RBBP8: variants seen among roughly 807,000 people sequenced by gnomAD.
RBBP8 encodes RB binding protein 8, endonuclease.
A neutral mutation model predicts 108.3 loss-of-function variants in RBBP8; 88 were observed. That is an observed-to-expected ratio of 0.81 (90% CI 0.68 to 0.97). The LOEUF is 0.97. Ranked by LOEUF, RBBP8 falls within the 50% of genes least tolerant of loss-of-function variation. The pLI is 0.00. For synonymous variants in RBBP8, 332 were observed against 348.2 expected (o/e 0.95, Z 0.52); for missense variants, 1,023 against 1,049.0 (o/e 0.98, Z 0.34).
chr18:22,963,560 G>A (rs1245102344), intron 4 of RBBP8, among the ~76,000 whole-genome samples: 1 of 152,136 alleles, frequency 6.6e-6, no homozygotes, highest in Non-Finnish European at 1.5e-5. Flanking sequence ...ATCTGTCTCA[G>A]AGGCTCTGAT....
chr18:22,959,491 A>G (rs755405284), intron 4 of RBBP8, among the ~76,000 whole-genome samples: 3 of 152,038 alleles, frequency 2.0e-5, no homozygotes, highest in Admixed American at 1.3e-4. Flanking sequence ...AAAGTCTGGT[A>G]ATTTTTTTCT....
At chr18:23,018,739 G>C (rs1035103435) in intron 17 of RBBP8, among the ~76,000 whole-genome samples, 2 of 152,160 alleles carry the variant, frequency 1.3e-5, no homozygotes, top group Admixed American at 6.5e-5. Flanking sequence ...TCCACGGCTG[G>C]TTGAATCCAT....
At chr18:22,964,634 T>A (rs976156497) in intron 4 of RBBP8, among the ~76,000 whole-genome samples, 8 of 148,794 alleles carry the variant, frequency 5.4e-5, no homozygotes, top group South Asian at 4.1e-4. Flanking sequence ...TTTTAATTTT[T>A]ATTTTATTTT....
At chr18:22,935,709 G>C (rs1910515571) in intron 1 of RBBP8, among the ~76,000 whole-genome samples, 1 of 152,168 alleles carries the variant, frequency 6.6e-6, no homozygotes, top group Admixed American at 6.5e-5. Flanking sequence ...TACTTTTTAA[G>C]TTGTAGCTAA....
chr18:22,926,042 T>C (rs1279762824), intron 3 of RBBP8, among the ~76,000 whole-genome samples: 1 of 152,222 alleles, frequency 6.6e-6, no homozygotes, highest in African/African-American at 2.4e-5. Flanking sequence ...TTCATAAGCT[T>C]ATATGAATAG....
intron 9 of RBBP8, among the ~76,000 whole-genome samples, chr18:22,989,817 C>A (rs532426741): frequency 6.6e-6 from 1 of 152,084 alleles, no homozygotes; most frequent in Non-Finnish European, 1.5e-5. Flanking sequence ...GGACTACAGA[C>A]ATATACCATT....
At chr18:22,955,203 G>A (rs1290476393) in intron 4 of RBBP8, among the ~76,000 whole-genome samples, 1 of 152,180 alleles carries the variant, frequency 6.6e-6, no homozygotes, top group East Asian at 1.9e-4. Flanking sequence ...AGGTACATGG[G>A]CCTGTAATTC....
intron 3 of RBBP8, 95 bp downstream of exon 3, chr18:22,946,581 A>C: frequency 6.5e-7 from 1 of 1,540,282 alleles, no homozygotes; most frequent in Non-Finnish European, 8.8e-7. Flanking sequence ...ACTGATGTCC[A>C]ATTTGACCTT....
chr18:22,916,570 T>G (rs911501299), intron 2 of RBBP8, among the ~76,000 whole-genome samples: 2 of 152,144 alleles, frequency 1.3e-5, no homozygotes, highest in Non-Finnish European at 2.9e-5. Flanking sequence ...AGTGTGTTAA[T>G]GAATCTTTGG....
intron 3 of RBBP8, 43 bp downstream of exon 3, chr18:22,946,529 G>A (rs1364273653): frequency 1.9e-5 from 31 of 1,607,516 alleles, no homozygotes; most frequent in Non-Finnish European, 2.5e-5. Context: ...TTATAGAGTA[G>A]TTGATACTGA....
chr18:22,943,888 A>G (rs116346256), intron 2 of RBBP8, among the ~76,000 whole-genome samples: 1,875 of 152,304 alleles, frequency 0.012, 47 homozygotes, highest in African/African-American at 0.043. Context: ...TGCTTTGTGT[A>G]TTACAATATA....
At chr18:22,945,777 G>C (rs760070104) in intron 2 of RBBP8, among the ~76,000 whole-genome samples, 1 of 152,086 alleles carries the variant, frequency 6.6e-6, no homozygotes, top group Non-Finnish European at 1.5e-5. Context: ...TGCTGATGAT[G>C]TATGTATTTT....
At chr18:22,947,911 T>G (rs1449077084) in intron 3 of RBBP8, among the ~76,000 whole-genome samples, 1 of 152,120 alleles carries the variant, frequency 6.6e-6, no homozygotes. Context: ...AGTTTAGCTT[T>G]AAGACAAATA....
intron 18 of RBBP8, among the ~76,000 whole-genome samples, chr18:23,023,077 C>T (rs1425545105): frequency 6.6e-6 from 1 of 151,236 alleles, no homozygotes; most frequent in Non-Finnish European, 1.5e-5. Flanking sequence ...TTTTTTTTCC[C>T]CCTAGAGACA....
chr18:22,944,482 C>T (rs1013066810), intron 2 of RBBP8, among the ~76,000 whole-genome samples: 1 of 152,086 alleles, frequency 6.6e-6, no homozygotes, highest in Non-Finnish European at 1.5e-5. Context: ...TAAAATTTCG[C>T]ACATTTTTGA....
At chr18:22,973,588 C>T (rs866749284) in intron 5 of RBBP8, among the ~76,000 whole-genome samples, 7 of 152,204 alleles carry the variant, frequency 4.6e-5, no homozygotes, top group African/African-American at 1.4e-4. Flanking sequence ...ATACTTTCTT[C>T]TCACATTGGT....
intron 14 of RBBP8, among the ~76,000 whole-genome samples, chr18:22,999,646 T>TA (rs796904319): frequency 0.016 from 2,311 of 143,678 alleles, 35 homozygotes; most frequent in East Asian, 0.064. Flanking sequence ...GAGGTTATAT[T>TA]AAAAAAAAAA....
chr18:22,914,263 T>C (rs1909269591), exon 1 of RBBP8: 1 of 152,226 alleles, frequency 6.6e-6, no homozygotes, highest in South Asian at 2.1e-4. Context: ...TGAAACAATT[T>C]CTGCTTTTCA....
rs1027887214 is a variant in RBBP8 at position 22,933,416 on chromosome 18, C to G, written c.-247C>G. On this transcript the variant is annotated 5_prime_UTR_variant, in exon 1 of 19. Coordinates refer to ENST00000327155, the MANE Select transcript of RBBP8 (RefSeq NM_002894.3). Reference sequence around the variant, plus strand: ...CCCCGGCCTTAAAGCGCGGGCTGTCCGGAGGGGTCGGCTTTCCCACCGAGG... The same window carrying G: ...CCCCGGCCTTAAAGCGCGGGCTGTCGGGAGGGGTCGGCTTTCCCACCGAGG... The G allele has an allele frequency of 6.5e-6, 1 of 153,680 alleles. No individual in the cohort carries two copies. The highest frequency in any genetic ancestry group is 1.5e-5 in the Non-Finnish European group (1 of 68,104). The allele number at this position is 153,680 out of a possible 1,614,324, so 9.5% of individuals were successfully genotyped here. A position where few individuals can be genotyped will look rare whatever the true frequency, so the allele number is the denominator to read the frequency against.
Sources: gnomAD v4.1 joint callset for allele counts (sites outside exome capture counted in the v4.1 genomes callset) on GRCh38, gnomAD v4.1.1 for gene constraint, MANE v1.5 for transcripts, NCBI Gene and HGNC (gene_info 2026-07-23, HGNC 2026-07-21) for gene names.